SOX6: variants seen among roughly 807,000 people sequenced by gnomAD.
SOX6 encodes transcription factor SOX-6.
Under a neutral mutation model 97.8 loss-of-function variants are expected in SOX6, and 11 were observed. That is an observed-to-expected ratio of 0.11 (90% CI 0.07 to 0.19). The LOEUF (loss-of-function observed/expected upper bound fraction) is 0.19. SOX6 is among the 10% of genes least tolerant of loss of function. SOX6 has a pLI of 1.00. For missense variants in SOX6, 810 were observed against 1,039.5 expected, an observed-to-expected ratio of 0.78 and a Z score of 3.04; for synonymous variants, 360 against 371.4, an observed-to-expected ratio of 0.97 and a Z score of 0.35.
At chr11:16,136,342 T>TG (rs1296275703) in intron 6 of SOX6, among the ~76,000 whole-genome samples, 2 of 110,926 alleles carry the variant, frequency 1.8e-5, no homozygotes, top group Non-Finnish European at 3.7e-5. Context: ...TGTGTGTGTG[T>TG]GGTTTTTTTT....
chr11:16,151,663 T>C (rs1850460472), intron 6 of SOX6, among the ~76,000 whole-genome samples: 2 of 152,144 alleles, frequency 1.3e-5, no homozygotes, highest in Admixed American at 6.6e-5. Flanking sequence ...TGGAATCTCT[T>C]ACATCTGCAA....
At chr11:16,562,212 C>A (rs570205633) in intron 4 of SOX6, among the ~76,000 whole-genome samples, 1 of 152,180 alleles carries the variant, frequency 6.6e-6, no homozygotes, top group Non-Finnish European at 1.5e-5. Flanking sequence ...CAAAACACAA[C>A]TAAAAACCCT....
intron 3 of SOX6, among the ~76,000 whole-genome samples, chr11:16,642,425 G>A (rs1848932876): frequency 6.6e-6 from 1 of 152,064 alleles, no homozygotes; most frequent in Non-Finnish European, 1.5e-5. Flanking sequence ...GAGTATCTTT[G>A]TGGTGTTCTC....
chr11:16,274,383 C>A (rs569988340), intron 3 of SOX6, among the ~76,000 whole-genome samples: 1 of 152,182 alleles, frequency 6.6e-6, no homozygotes, highest in Admixed American at 6.5e-5. Context: ...TGCCCACTCA[C>A]TTATCCTTCC....
rs1302265085 is a variant in SOX6 at position 16,356,285 on chromosome 11, G to A, written c.-196C>T. Among the ~76,000 whole-genome samples the A allele has an allele frequency of 1.3e-5, 2 of 149,862 alleles. No individual in the cohort carries two copies. The highest frequency in any genetic ancestry group is 3.0e-5 in the Non-Finnish European group (2 of 67,702). On this transcript the variant is annotated 5_prime_UTR_variant, in exon 1 of 16. Transcript: ENST00000683767. ...GCCAAGTCTCAGGCTACCAATTGTA[G>A]CCATAACTTTAAGCAACATCTAATT...
chr11:16,031,205 G>A (rs1001535068), intron 12 of SOX6, among the ~76,000 whole-genome samples: 9 of 152,078 alleles, frequency 5.9e-5, no homozygotes, highest in African/African-American at 9.7e-5. Context: ...TTCCTTCTAC[G>A]ATTCACATAG....
intron 4 of SOX6, among the ~76,000 whole-genome samples, chr11:16,594,836 C>G (rs889337096): frequency 6.6e-6 from 1 of 151,542 alleles, no homozygotes; most frequent in South Asian, 2.1e-4. Context: ...GACTACAGGC[C>G]CCCGCCACCA....
intron 6 of SOX6, among the ~76,000 whole-genome samples, chr11:16,138,677 T>C (rs1031804552): frequency 1.3e-5 from 2 of 152,072 alleles, no homozygotes; most frequent in African/African-American, 2.4e-5. Flanking sequence ...ATTAGGTATA[T>C]CTCCTAATGC....
intron 4 of SOX6, among the ~76,000 whole-genome samples, chr11:16,520,845 G>T (rs189589014): frequency 1.1e-4 from 17 of 152,364 alleles, no homozygotes; most frequent in African/African-American, 3.8e-4. Context: ...CTGGCTCAGA[G>T]GGTTCTACGC....
chr11:16,177,937 G>C (rs1388355046), intron 6 of SOX6, among the ~76,000 whole-genome samples: 1 of 151,862 alleles, frequency 6.6e-6, no homozygotes, highest in African/African-American at 2.4e-5. Flanking sequence ...GTTTGGGAGA[G>C]AGCTGGGGAG....
upstream of SOX6, among the ~76,000 whole-genome samples, chr11:16,479,111 G>A (rs754791532): frequency 2.0e-5 from 3 of 152,090 alleles, no homozygotes; most frequent in Non-Finnish European, 2.9e-5. Flanking sequence ...AATCCAACCT[G>A]GGTCACAGTC....
intron 3 of SOX6, among the ~76,000 whole-genome samples, chr11:16,657,574 A>T (rs150544138): frequency 6.6e-6 from 1 of 152,342 alleles, no homozygotes; most frequent in East Asian, 1.9e-4. Context: ...AATGAATGAG[A>T]GTTCCTGTTG....
At chr11:16,388,490 A>G (rs1342555193) in intron 1 of SOX6, among the ~76,000 whole-genome samples, 1 of 152,098 alleles carries the variant, frequency 6.6e-6, no homozygotes, top group Non-Finnish European at 1.5e-5. Context: ...TATTTCTTAA[A>G]TATTTGATAG....
At chr11:16,541,248 C>T (rs1005942774) in intron 4 of SOX6, among the ~76,000 whole-genome samples, 2 of 152,102 alleles carry the variant, frequency 1.3e-5, no homozygotes, top group African/African-American at 4.8e-5. Flanking sequence ...ATAAATGATG[C>T]TGGGAAAACT....
At chr11:16,385,290 T>A (rs1158928561) in intron 1 of SOX6, among the ~76,000 whole-genome samples, 1 of 152,126 alleles carries the variant, frequency 6.6e-6, no homozygotes, top group Non-Finnish European at 1.5e-5. Context: ...AATTGTCACT[T>A]TAGCTGACTC....
intron 1 of SOX6, among the ~76,000 whole-genome samples, chr11:16,383,554 T>G (rs1285453994): frequency 6.6e-6 from 1 of 151,886 alleles, no homozygotes; most frequent in African/African-American, 2.4e-5. Context: ...CTTGCTGGAG[T>G]GTTGCAGGAA....
chr11:16,229,322 T>C (rs2134168482), intron 4 of SOX6, among the ~76,000 whole-genome samples: 1 of 152,128 alleles, frequency 6.6e-6, no homozygotes, highest in Non-Finnish European at 1.5e-5. Flanking sequence ...AAAGTACCAT[T>C]ATCATTAAAT....
At chr11:16,650,374 C>G (rs1049976814) in intron 3 of SOX6, among the ~76,000 whole-genome samples, 1 of 151,880 alleles carries the variant, frequency 6.6e-6, no homozygotes, top group African/African-American at 2.4e-5. Flanking sequence ...GACCAAATGA[C>G]AGGTCACAAA....
chr11:16,553,904 TCAC>T (rs1565179097), intron 4 of SOX6, among the ~76,000 whole-genome samples: 1 of 152,114 alleles, frequency 6.6e-6, no homozygotes, highest in Non-Finnish European at 1.5e-5. Context: ...CCACTTTCTC[TCAC>T]CAGTGAATGA....
Sources: gnomAD v4.1 joint callset for allele counts (sites outside exome capture counted in the v4.1 genomes callset) on GRCh38, gnomAD v4.1.1 for gene constraint, MANE v1.5 for transcripts, NCBI Gene and HGNC (gene_info 2026-07-23, HGNC 2026-07-21) for gene names.